The following HSPA9 variants were observed in gnomAD, a reference collection of about 807,000 sequenced individuals.
The protein encoded by HSPA9 is heat shock protein family A (Hsp70) member 9.
A neutral mutation model predicts 81.5 loss-of-function variants in HSPA9; 28 were observed. The observed-to-expected ratio is 0.34, with a 90% CI of 0.25 to 0.47. HSPA9 has a LOEUF of 0.47. Ranked by LOEUF, HSPA9 falls within the 20% of genes least tolerant of loss-of-function variation. HSPA9 has a pLI of 1.00. For missense variants in HSPA9, 678 were observed against 838.0 expected (o/e 0.81, Z 2.36); for synonymous variants, 293 against 290.4 (o/e 1.01, Z -0.09).
At chr5:138,575,176 G>A in intron 1 of HSPA9, 62 bp downstream of exon 1, 1 of 1,200,170 alleles carries the variant, frequency 8.3e-7, no homozygotes, top group Non-Finnish European at 1.2e-6. Context: ...GCCTGCCGCA[G>A]CGAAGCCCGA....
In HSPA9 at chr5:138,557,862, G is replaced by A; in HGVS notation, c.1633+7C>T. The A allele has an allele frequency of 1.3e-6, 2 of 1,559,832 alleles. No homozygotes were observed. The highest frequency in any genetic ancestry group is 1.8e-6 in the Non-Finnish European group (2 of 1,132,124). ...ACTCTTAGGGTCTGATAAACAAGGT[G>A]ACTTACTCTGCTGCTCACGTCCTGT... On this transcript the variant is annotated splice_region_variant and intron_variant, in intron 13 of 16. Transcript: ENST00000297185.
chr5:138,556,929 T>TAG, intron 14 of HSPA9, 63 bp from the exon 15 acceptor site: 1 of 1,072,052 alleles, frequency 9.3e-7, no homozygotes, highest in Non-Finnish European at 1.5e-6. Context: ...TGAATGTCTA[T>TAG]ACTCAGACAA....
rs1292378212 is a variant in HSPA9 at position 138,574,613 on chromosome 5, C to T, written c.82-487G>A. On this transcript the variant is annotated intron_variant, in intron 1 of 16. Transcript: ENST00000297185. The stretch of plus-strand genomic sequence containing the variant: ...ATAAAAGACCTTTATTACAACTTAA[C>T]CTCAGGCTCCTTCCAAGCCTTCCTT... Among the ~76,000 whole-genome samples, 5 of 152,340 alleles carry T rather than the reference C, an allele frequency of 3.3e-5. No homozygotes were observed. In the South Asian group the frequency reaches 8.3e-4, roughly 25 times the overall value.
At position 138,555,665 on chromosome 5, in the gene HSPA9, G is replaced by A. The variant is rs1750505052; in HGVS notation, c.*372C>T. The stretch of plus-strand genomic sequence containing the variant: ...CTAGAAGGATCTCATCCCCATATGT[G>A]GTCTCATTTCAAGTCTATGGATGAC... On this transcript the variant is annotated 3_prime_UTR_variant, in exon 17 of 17. Transcript: ENST00000297185. 3.0e-6 allele frequency: 1 copy of A among 329,966 alleles called. No homozygotes were observed. The highest frequency in any genetic ancestry group is 2.6e-5 in the South Asian group (1 of 38,064). The allele number at this position is 329,966 out of a possible 1,614,324, so 20.4% of individuals were successfully genotyped here.
rs1339643978 is a variant in HSPA9, at chr5:138,567,737, A to C, written c.536-15T>G. The C allele has an allele frequency of 1.3e-6, 2 of 1,592,258 alleles. No homozygotes were observed. The highest frequency in any genetic ancestry group is 2.2e-5 in the East Asian group (1 of 44,764). ...CAAGTAATTTTCTGGAAAAGAATGA[A>C]ATTCAATCATGGAATTCTGTCAGAA... On this transcript the variant is annotated splice_polypyrimidine_tract_variant and intron_variant, in intron 5 of 16. Transcript: ENST00000297185.
Position 138,566,813 on chromosome 5 carries a change from A to G in HSPA9, c.880-95T>C, listed in dbSNP as rs2127158434. 4 of 1,113,262 alleles carry G rather than the reference A, an allele frequency of 3.6e-6. No individual in the cohort carries two copies. The South Asian group carries it at 5.0e-5, about 14-fold the overall frequency. The allele number at this position is 1,113,262 out of a possible 1,614,324, so 69.0% of individuals were successfully genotyped here. ...GTGGAACAACACAAAATGGAGTCATACCTTTATATATAAGCATGAATTACT... is the reference window on the plus strand; with the variant it reads ...GTGGAACAACACAAAATGGAGTCATGCCTTTATATATAAGCATGAATTACT... On this transcript the variant is annotated intron_variant, in intron 8 of 16. Coordinates refer to ENST00000297185, the MANE Select transcript of HSPA9 (RefSeq NM_004134.7).
At chr5:138,570,229 A>C (rs256011) in intron 4 of HSPA9, among the ~76,000 whole-genome samples, 143,994 of 151,984 alleles carry the variant, frequency 0.95, 68,267 homozygotes, top group East Asian at 0.99. Flanking sequence ...AATCCCAATA[A>C]TTTGGGAGGC....
chr5:138,568,813 T>C, intron 5 of HSPA9, 112 bp downstream of exon 5: 1 of 1,144,960 alleles, frequency 8.7e-7, no homozygotes, highest in South Asian at 1.3e-5. Flanking sequence ...CTAGTTTTTC[T>C]ATACAAAAGG....
chr5:138,568,930 G>T lies in HSPA9; in HGVS notation c.530C>A (p.Thr177Asn). 6.2e-7 allele frequency: 1 copy of T among 1,613,856 alleles called. No individual in the cohort carries two copies. The highest frequency in any genetic ancestry group is 8.5e-7 in the Non-Finnish European group (1 of 1,179,836). The change falls in exon 5 of 17, where the codon ACT becomes AAT. Residue 177 changes from threonine to asparagine, a missense_variant. Around this residue, in one of 4 missense-constraint regions of HSPA9, gnomAD observed 484 missense variants for 647.5 expected, o/e 0.75. Transcript: ENST00000297185. The part of the protein sequence containing the change: ...GAFVLMKMKE[T>N]AENYLGHTAK... The stretch of plus-strand genomic sequence containing the variant: ...TGTGAACTAAACCCACTCACCTGCA[G>T]TCTCTTTCATCTTCATCAACACAAA...
Position 138,554,607 on chromosome 5 carries a change from T to TA in HSPA9, c.*1429dup, listed in dbSNP as rs1561855240. 3.3e-5 allele frequency among the ~76,000 whole-genome samples: 5 copies of TA among 152,238 alleles called. No individual in the cohort carries two copies. In the South Asian group the frequency reaches 6.2e-4, roughly 19 times the overall value. On this transcript the variant is annotated 3_prime_UTR_variant, in exon 17 of 17. Transcript: ENST00000297185. ...GATTTCTTATACTGATTTTTGGAAATACAGTAATCTCATTTCTACATATTA... is the reference window on the plus strand; with the variant it reads ...GATTTCTTATACTGATTTTTGGAAATAACAGTAATCTCATTTCTACATATTA...
intron 3 of HSPA9, among the ~76,000 whole-genome samples, chr5:138,572,635 G>A (rs1343807736): frequency 1.3e-5 from 2 of 152,030 alleles, no homozygotes; most frequent in Admixed American, 6.6e-5. Flanking sequence ...TCCATTCATG[G>A]CCTCTTTTGC....
chr5:138,573,460 T>G (rs893460172), intron 3 of HSPA9, among the ~76,000 whole-genome samples: 7 of 152,076 alleles, frequency 4.6e-5, no homozygotes, highest in African/African-American at 1.7e-4. Context: ...AAGACCAGCC[T>G]GGCCAACACA....
In HSPA9 at chr5:138,575,377, G is replaced by A. The variant is rs556511455; in HGVS notation, c.-59C>T. 8.5e-6 allele frequency: 12 copies of A among 1,410,758 alleles called. No homozygotes were observed. Among genetic ancestry groups the A allele is most frequent in the South Asian group, 2.4e-5 (2 of 84,992 alleles). The allele number at this position is 1,410,758 out of a possible 1,614,324, so 87.4% of individuals were successfully genotyped here. On this transcript the variant is annotated 5_prime_UTR_variant, in exon 1 of 17. Coordinates refer to ENST00000297185, the MANE Select transcript of HSPA9 (RefSeq NM_004134.7). ...AAGCGCTCCGACGGCAAAGAGCTGCGCGATGCGGTGGCGGCAGCGCTTCTG... is the reference window on the plus strand; with the variant it reads ...AAGCGCTCCGACGGCAAAGAGCTGCACGATGCGGTGGCGGCAGCGCTTCTG...
In HSPA9 at chr5:138,557,488, G is replaced by C. The variant is rs751711359; in HGVS notation, c.1642C>G (p.Gln548Glu). 2.5e-6 allele frequency: 4 copies of C among 1,590,868 alleles called. No individual in the cohort carries two copies. The highest frequency in any genetic ancestry group is 3.4e-6 in the Non-Finnish European group (4 of 1,159,936). Residue 548 changes from glutamine (Q) to glutamate (E), a missense_variant, in exon 14 of 17, where the codon CAG (glutamine) becomes GAG (glutamate). Gln to Glu is a conservative substitution (Grantham distance 29). This residue lies in a region of HSPA9 where 484 missense variants were observed against 647.5 expected (regional missense o/e 0.75). Coordinates refer to ENST00000297185, the MANE Select transcript of HSPA9 (RefSeq NM_004134.7). ...TCTTTGCTTAATCCACCAGAAGACT[G>C]GATTACAACTGTAGTAAACAGAAGG... ...GTGREQQIVI[Q>E]SSGGLSKDDI...
rs573742905 is a variant in HSPA9, at chr5:138,572,835, C to T, written c.228+928G>A. On this transcript the variant is annotated intron_variant, in intron 3 of 16. Transcript: ENST00000297185. ...AAAAAACTTAGAAGTAGATATAATT[C>T]TCCATGTGGAAGTAAAGATTCTTGT... Among the ~76,000 whole-genome samples, 12 of 152,198 alleles carry T rather than the reference C, an allele frequency of 7.9e-5. No homozygotes were observed. In the East Asian group the frequency reaches 1.9e-3, roughly 24 times the overall value.
intron 8 of HSPA9, 129 bp downstream of exon 8, chr5:138,566,872 A>G (rs1750777642): frequency 5.9e-6 from 7 of 1,187,096 alleles, no homozygotes; most frequent in Non-Finnish European, 7.6e-6. Context: ...GAAAAAAAAT[A>G]TTCTGAAAAG....
Position 138,554,263 on chromosome 5 carries a change from G to A in HSPA9, c.*1774C>T, listed in dbSNP as rs1326569299. Among the ~76,000 whole-genome samples, 1 of 152,206 alleles carries A rather than the reference G, an allele frequency of 6.6e-6. No individual in the cohort carries two copies. Among genetic ancestry groups the A allele is most frequent in the African/African-American group, 2.4e-5 (1 of 41,444 alleles). On this transcript the variant is annotated 3_prime_UTR_variant, in exon 17 of 17. Coordinates refer to ENST00000297185, the MANE Select transcript of HSPA9 (RefSeq NM_004134.7). ...ATTTGGCTCCTCTCTCTGATCCCAA[G>A]GATGAATCTTGACTAGCATTAAGCC...
At chr5:138,560,135 C>T in intron 10 of HSPA9, 44 bp from the exon 11 acceptor site, 1 of 1,449,724 alleles carries the variant, frequency 6.9e-7, no homozygotes, top group Non-Finnish European at 9.6e-7. Flanking sequence ...CACTTGGGAA[C>T]TACCTGAGCA....
chr5:138,574,818 G>A (rs930007625), intron 1 of HSPA9: 2 of 184,960 alleles, frequency 1.1e-5, no homozygotes, highest in African/African-American at 2.4e-5. Context: ...CTGGAGTTCC[G>A]ACTCAGAGCT....
Sources: allele counts gnomAD v4.1 joint callset (sites outside exome capture counted in the v4.1 genomes callset), GRCh38; gene constraint gnomAD v4.1.1; regional missense constraint gnomAD v4.1.1; transcripts MANE v1.5; gene names NCBI Gene and HGNC (gene_info 2026-07-23, HGNC 2026-07-21).